GLTP: variants seen among roughly 807,000 people sequenced by gnomAD.
GLTP encodes glycolipid transfer protein.
Under a neutral mutation model 24.0 loss-of-function variants are expected in GLTP, and 22 were observed. The ratio of observed to expected loss-of-function variants is 0.92; its 90% CI spans 0.65 to 1.31. The LOEUF (loss-of-function observed/expected upper bound fraction) is 1.31, where lower values mean the gene tolerates loss of function less well. GLTP is among the 50% of genes most tolerant of loss of function. GLTP has a pLI of 0.00. For synonymous variants in GLTP, 92 were observed against 115.9 expected (o/e 0.79, Z 1.33); for missense variants, 224 against 276.6 (o/e 0.81, Z 1.35).
chr12:109,877,643 T>G (rs1592895481), intron 1 of GLTP, among the ~76,000 whole-genome samples: 1 of 152,126 alleles, frequency 6.6e-6, no homozygotes, highest in East Asian at 1.9e-4. Flanking sequence ...AATCCCTGAC[T>G]TGGAGGAAAC....
chr12:109,877,565 T>C (rs1291016915), intron 1 of GLTP, among the ~76,000 whole-genome samples: 2 of 152,066 alleles, frequency 1.3e-5, no homozygotes, highest in Non-Finnish European at 1.5e-5. Context: ...CATCTTACAA[T>C]GCACAGGACA....
intron 4 of GLTP, among the ~76,000 whole-genome samples, chr12:109,854,270 G>A (rs1480334699): frequency 6.7e-6 from 1 of 148,934 alleles, no homozygotes; most frequent in African/African-American, 2.5e-5. Context: ...TGAGGCTGGA[G>A]AATCGCTTGA....
chr12:109,875,753 T>C (rs1398402274), intron 1 of GLTP, among the ~76,000 whole-genome samples: 1 of 152,232 alleles, frequency 6.6e-6, no homozygotes, highest in Non-Finnish European at 1.5e-5. Flanking sequence ...AAGATATGGA[T>C]GCGCTAAATC....
intron 1 of GLTP, among the ~76,000 whole-genome samples, chr12:109,866,789 T>G (rs1868541965): frequency 6.7e-6 from 1 of 148,530 alleles, no homozygotes; most frequent in Non-Finnish European, 1.5e-5. Context: ...AGACAGGGTA[T>G]CACTGTGTTG....
intron 1 of GLTP, among the ~76,000 whole-genome samples, chr12:109,879,159 A>C (rs1201952210): frequency 6.6e-6 from 1 of 152,156 alleles, no homozygotes; most frequent in African/African-American, 2.4e-5. Flanking sequence ...TACCACCCCT[A>C]ACAAGCCTTC....
At chr12:109,865,010 G>C (rs1868480920) in intron 1 of GLTP, among the ~76,000 whole-genome samples, 2 of 152,192 alleles carry the variant, frequency 1.3e-5, no homozygotes, top group Non-Finnish European at 1.5e-5. Context: ...ACCGCACCCA[G>C]CCTCTAAGAG....
chr12:109,871,689 G>T (rs1316326336), intron 1 of GLTP, among the ~76,000 whole-genome samples: 3 of 152,204 alleles, frequency 2.0e-5, no homozygotes, highest in Admixed American at 1.3e-4. Context: ...GATTAGAAAT[G>T]AGTTACTGCC....
chr12:109,870,358 T>TG, intron 1 of GLTP, among the ~76,000 whole-genome samples: 1 of 151,810 alleles, frequency 6.6e-6, no homozygotes, highest in Non-Finnish European at 1.5e-5. Context: ...TCCAGCTACT[T>TG]GGGAGGCTGA....
intron 1 of GLTP, among the ~76,000 whole-genome samples, chr12:109,879,209 T>C (rs1187216378): frequency 5.9e-5 from 9 of 152,118 alleles, no homozygotes; most frequent in Non-Finnish European, 1.0e-4. Flanking sequence ...TCTCCTGTCT[T>C]TGGGTTTCAG....
intron 1 of GLTP, among the ~76,000 whole-genome samples, chr12:109,865,560 G>A (rs755793347): frequency 2.0e-5 from 3 of 151,944 alleles, no homozygotes; most frequent in East Asian, 1.9e-4. Flanking sequence ...CCTGGGAGGC[G>A]GAGGTTACAG....
At chr12:109,863,705 T>C (rs902215540) in intron 1 of GLTP, among the ~76,000 whole-genome samples, 61 of 152,338 alleles carry the variant, frequency 4.0e-4, no homozygotes, top group African/African-American at 1.4e-3. Flanking sequence ...TAGGATGTTC[T>C]TCTGCAGGGC....
chr12:109,880,386 G>A lies in GLTP; in HGVS notation c.-12C>T, dbSNP rs751259266. ...GCCAGCAGCGCCATTTCGGGGTCGA[G>A]GCCCGCGGTGATGCCCCAGCCGGCG... is the stretch of plus-strand genomic sequence containing the variant. On this transcript the variant is annotated 5_prime_UTR_variant, in exon 1 of 5. Coordinates refer to ENST00000318348, the MANE Select transcript of GLTP (RefSeq NM_016433.4). This position sits in a 1 kb window ranked among gnomAD's most constrained non-coding sequence, Gnocchi z 5.1. 3.3e-6 allele frequency: 5 copies of A among 1,524,436 alleles called. No individual in the cohort carries two copies. The highest frequency in any genetic ancestry group is 2.3e-4 in the Middle Eastern group (1 of 4,282). The allele number at this position is 1,524,436 out of a possible 1,614,324, so 94.4% of individuals were successfully genotyped here. A position where few individuals can be genotyped will look rare whatever the true frequency, so the allele number is the denominator to read the frequency against.
rs901429967 is a variant in GLTP at position 109,880,406 on chromosome 12, C to A, written c.-32G>T. On this transcript the variant is annotated 5_prime_UTR_variant, in exon 1 of 5. Transcript: ENST00000318348. The surrounding 1 kb of genome is among the most constrained non-coding windows in gnomAD (Gnocchi z 5.1). ...GTCGAGGCCCGCGGTGATGCCCCAG[C>A]CGGCGCCGCGGGCGTCGACACCGCC... 4 of 1,257,156 alleles carry A rather than the reference C, an allele frequency of 3.2e-6. No individual in the cohort carries two copies. In the African/African-American group the frequency reaches 4.7e-5, roughly 15 times the overall value. 77.9% of individuals were successfully genotyped at this position (1,257,156 alleles called of 1,614,324 possible).
rs1869027761 is a variant in GLTP, at chr12:109,880,199, G to A, written c.103+73C>T. 1 of 861,896 alleles carries A rather than the reference G, an allele frequency of 1.2e-6. No individual in the cohort carries two copies. The allele number at this position is 861,896 out of a possible 1,614,324, so 53.4% of individuals were successfully genotyped here. On this transcript the variant is annotated intron_variant, in intron 1 of 4. Coordinates refer to ENST00000318348, the MANE Select transcript of GLTP (RefSeq NM_016433.4). The surrounding 1 kb of genome is among the most constrained non-coding windows in gnomAD (Gnocchi z 5.1). ...GGGTGTCTAGGGCAGAGATGGTTAG[G>A]GGATGCTCGGGGGAAGGAGGATTCG...
intron 1 of GLTP, among the ~76,000 whole-genome samples, chr12:109,874,663 G>A (rs1009800508): frequency 3.9e-4 from 60 of 152,164 alleles, no homozygotes; most frequent in African/African-American, 1.4e-3. Context: ...GCTCAAAGGG[G>A]AAAACAGCAT....
At chr12:109,856,156 C>T (rs1167436503) in intron 3 of GLTP, among the ~76,000 whole-genome samples, 1 of 152,178 alleles carries the variant, frequency 6.6e-6, no homozygotes. Flanking sequence ...TCGCGGACCA[C>T]AGACTGTGGA....
At chr12:109,870,112 A>C (rs1000672934) in intron 1 of GLTP, among the ~76,000 whole-genome samples, 2 of 152,104 alleles carry the variant, frequency 1.3e-5, no homozygotes, top group Admixed American at 6.6e-5. Context: ...AGGCTTAAAT[A>C]AAGTTGTATA....
chr12:109,866,696 T>A (rs889075174), intron 1 of GLTP, among the ~76,000 whole-genome samples: 2 of 151,816 alleles, frequency 1.3e-5, no homozygotes, highest in African/African-American at 4.8e-5. Context: ...CCTCAAACCG[T>A]CACTAAATGA....
chr12:109,879,229 G>T (rs1430287291), intron 1 of GLTP, among the ~76,000 whole-genome samples: 1 of 152,202 alleles, frequency 6.6e-6, no homozygotes, highest in African/African-American at 2.4e-5. Context: ...GGTGGACTCT[G>T]CCCTGGGGGC....
Sources: allele counts gnomAD v4.1 joint callset (sites outside exome capture counted in the v4.1 genomes callset), GRCh38; gene constraint gnomAD v4.1.1; non-coding constraint Gnocchi (gnomAD v3.1); transcripts MANE v1.5; gene names NCBI Gene and HGNC (gene_info 2026-07-23, HGNC 2026-07-21).